MOB3B: variants seen among roughly 807,000 people sequenced by gnomAD.
MOB3B encodes the protein MOB kinase activator 3B, also known as MOB kinase activator-like 2B.
Under a neutral mutation model 18.7 loss-of-function variants are expected in MOB3B, and 7 were observed. The ratio of observed to expected loss-of-function variants is 0.37; its 90% confidence interval spans 0.21 to 0.70. The LOEUF (loss-of-function observed/expected upper bound fraction) is 0.70, where lower values mean the gene tolerates loss of function less well. Among genes scored for constraint, MOB3B ranks in the 30% least tolerant of loss-of-function variants. The pLI, the probability that MOB3B is intolerant of heterozygous loss-of-function variation, is 0.52. For missense variants in MOB3B, 253 were observed against 281.3 expected (o/e 0.90, Z 0.72); for synonymous variants, 111 against 99.9 (o/e 1.11, Z -0.66).
At chr9:27,410,750 A>G (rs560658566) in intron 2 of MOB3B, among the ~76,000 whole-genome samples, 47 of 151,286 alleles carry the variant, frequency 3.1e-4, no homozygotes, top group Non-Finnish European at 5.9e-4. Flanking sequence ...AATGAAAGTT[A>G]TTCTTTTTTT....
chr9:27,377,498 C>T (rs1187570560), intron 2 of MOB3B, among the ~76,000 whole-genome samples: 1 of 152,126 alleles, frequency 6.6e-6, no homozygotes, highest in Admixed American at 6.6e-5. Context: ...CCTTCTAACA[C>T]CTAGACCAGT....
chr9:27,408,588 T>G (rs989895778), intron 2 of MOB3B, among the ~76,000 whole-genome samples: 1 of 152,188 alleles, frequency 6.6e-6, no homozygotes, highest in Non-Finnish European at 1.5e-5. Flanking sequence ...GCAGTAGCTG[T>G]AGCTACAGGA....
chr9:27,501,086 A>G (rs935005779), intron 1 of MOB3B, among the ~76,000 whole-genome samples: 41 of 152,218 alleles, frequency 2.7e-4, no homozygotes, highest in Admixed American at 2.6e-3. Flanking sequence ...ACGAACATTA[A>G]AAAGTCAGGA....
At chr9:27,336,810 A>G (rs1277734643) in intron 3 of MOB3B, among the ~76,000 whole-genome samples, 1 of 152,150 alleles carries the variant, frequency 6.6e-6, no homozygotes, top group Non-Finnish European at 1.5e-5. Context: ...AGTAATGGAA[A>G]CAGAACGGAA....
At chr9:27,442,001 A>C (rs1484074435) in intron 2 of MOB3B, among the ~76,000 whole-genome samples, 1 of 152,208 alleles carries the variant, frequency 6.6e-6, no homozygotes, top group Non-Finnish European at 1.5e-5. Flanking sequence ...CCTTCTGTTA[A>C]ACCAGACGTT....
chr9:27,500,302 A>T (rs1819969976), intron 1 of MOB3B, among the ~76,000 whole-genome samples: 1 of 152,188 alleles, frequency 6.6e-6, no homozygotes, highest in Admixed American at 6.5e-5. Context: ...AAACTACCTT[A>T]TCATGCTGTC....
At chr9:27,523,727 A>G (rs1005357596) in intron 1 of MOB3B, among the ~76,000 whole-genome samples, 4 of 152,154 alleles carry the variant, frequency 2.6e-5, no homozygotes, top group Non-Finnish European at 5.9e-5. Context: ...CTTTTTGGAG[A>G]TCCAGAAAAA....
At chr9:27,477,894 A>G (rs1819580155) in intron 1 of MOB3B, among the ~76,000 whole-genome samples, 1 of 152,204 alleles carries the variant, frequency 6.6e-6, no homozygotes, top group South Asian at 2.1e-4. Flanking sequence ...CATGCAAGGT[A>G]AGATGCTGGA....
intron 1 of MOB3B, among the ~76,000 whole-genome samples, chr9:27,484,980 A>G (rs929673605): frequency 6.6e-6 from 1 of 152,122 alleles, no homozygotes; most frequent in African/African-American, 2.4e-5. Context: ...CTGACAACAC[A>G]TGAACCACCC....
intron 2 of MOB3B, among the ~76,000 whole-genome samples, chr9:27,409,250 G>T (rs960980317): frequency 1.3e-5 from 2 of 152,168 alleles, no homozygotes; most frequent in Admixed American, 6.5e-5. Context: ...TCCTTCCCTT[G>T]TGGAGCTGAC....
intron 2 of MOB3B, chr9:27,391,623 A>G (rs1821729253): frequency 6.6e-6 from 1 of 152,258 alleles, no homozygotes; most frequent in Non-Finnish European, 1.5e-5. Context: ...ATTACAAATC[A>G]TTCTCAATTG....
chr9:27,449,919 A>C (rs1349988956), intron 2 of MOB3B, among the ~76,000 whole-genome samples: 3 of 151,612 alleles, frequency 2.0e-5, no homozygotes, highest in Non-Finnish European at 4.4e-5. Context: ...CGGAGGCTGC[A>C]GTGAGCCGAG....
Position 27,336,333 on chromosome 9 carries a change from G to T in MOB3B, c.622-5717C>A, listed in dbSNP as rs575062620. Among the ~76,000 whole-genome samples the T allele has an allele frequency of 4.6e-5, 7 of 152,246 alleles. No homozygotes were observed. The South Asian group carries it at 1.0e-3, about 23-fold the overall frequency. On this transcript the variant is annotated intron_variant, in intron 3 of 3. Transcript: ENST00000262244. ...TGTTTCTGTTGTAAAATGGATAAGG[G>T]GGGGGAAGAGCTACCACAGCAGCAT...
intron 2 of MOB3B, among the ~76,000 whole-genome samples, chr9:27,388,834 C>T (rs1821685409): frequency 1.3e-5 from 2 of 152,158 alleles, no homozygotes; most frequent in South Asian, 4.1e-4. Flanking sequence ...TCCTCCGTGT[C>T]TTCTTCCCTA....
intron 2 of MOB3B, among the ~76,000 whole-genome samples, chr9:27,364,832 G>T (rs943820145): frequency 6.6e-6 from 1 of 152,136 alleles, no homozygotes; most frequent in Non-Finnish European, 1.5e-5. Flanking sequence ...GACAAACTTT[G>T]GGATTAAATT....
At chr9:27,408,191 C>T (rs1822015381) in intron 2 of MOB3B, among the ~76,000 whole-genome samples, 1 of 152,132 alleles carries the variant, frequency 6.6e-6, no homozygotes, top group Non-Finnish European at 1.5e-5. Context: ...ATGAAAGCTG[C>T]ATGGTTTAAA....
chr9:27,422,105 A>G (rs1822262244), intron 2 of MOB3B, among the ~76,000 whole-genome samples: 1 of 152,240 alleles, frequency 6.6e-6, no homozygotes, highest in African/African-American at 2.4e-5. Flanking sequence ...TAAATACATG[A>G]ATACGTGAAT....
At chr9:27,471,628 T>C (rs1819472616) in intron 1 of MOB3B, among the ~76,000 whole-genome samples, 1 of 152,214 alleles carries the variant, frequency 6.6e-6, no homozygotes, top group Admixed American at 6.5e-5. Context: ...AGATAAAATA[T>C]CCATCTCAAA....
chr9:27,476,744 C>A (rs1378707846), intron 1 of MOB3B, among the ~76,000 whole-genome samples: 1 of 152,176 alleles, frequency 6.6e-6, no homozygotes, highest in Non-Finnish European at 1.5e-5. Context: ...ATCCAACTTA[C>A]AAGGAGTATT....
Sources: gnomAD v4.1 joint callset for allele counts (sites outside exome capture counted in the v4.1 genomes callset) on GRCh38, gnomAD v4.1.1 for gene constraint, MANE v1.5 for transcripts, NCBI Gene and HGNC (gene_info 2026-07-23, HGNC 2026-07-21) for gene names.